ILRUN: variants seen among roughly 807,000 people sequenced by gnomAD.
ILRUN encodes protein ILRUN.
A neutral mutation model predicts 33.8 loss-of-function variants in ILRUN; 3 were observed. That is an observed-to-expected ratio of 0.09 (90% CI 0.04 to 0.23). The LOEUF is 0.23. Ranked by LOEUF, ILRUN falls within the 10% of genes least tolerant of loss-of-function variation. The probability of loss-of-function intolerance (pLI) is 1.00; values close to 1 mark genes in which losing one functional copy is unlikely to be tolerated. For synonymous variants in ILRUN, 124 were observed against 138.9 expected (o/e 0.89, Z 0.75); for missense variants, 210 against 375.1 (o/e 0.56, Z 3.64).
intron 3 of ILRUN, among the ~76,000 whole-genome samples, chr6:34,622,538 T>TA (rs78821044): frequency 0.046 from 6,705 of 144,500 alleles, 185 homozygotes; most frequent in Non-Finnish European, 0.067. Context: ...TGGCTACTAC[T>TA]AAAAAAAAAA....
At chr6:34,634,125 T>C (rs927515012) in intron 3 of ILRUN, among the ~76,000 whole-genome samples, 12 of 152,088 alleles carry the variant, frequency 7.9e-5, no homozygotes, top group African/African-American at 2.9e-4. Flanking sequence ...AAATGTATTT[T>C]AAAAAAGAAA....
chr6:34,652,526 G>A (rs1419872727), intron 2 of ILRUN, among the ~76,000 whole-genome samples: 2 of 152,086 alleles, frequency 1.3e-5, no homozygotes, highest in South Asian at 2.1e-4. Flanking sequence ...ATTCAATTTG[G>A]TACATTCTTA....
intron 3 of ILRUN, among the ~76,000 whole-genome samples, chr6:34,633,408 G>A (rs915263658): frequency 6.6e-6 from 1 of 152,050 alleles, no homozygotes; most frequent in Non-Finnish European, 1.5e-5. Flanking sequence ...AGATATAAAG[G>A]AATTGAACAA....
chr6:34,676,888 G>A (rs1763245377), intron 1 of ILRUN, among the ~76,000 whole-genome samples: 2 of 151,620 alleles, frequency 1.3e-5, no homozygotes, highest in Admixed American at 1.3e-4. Context: ...ATACTTCTTG[G>A]GGGCAATCTG....
At chr6:34,676,430 C>CTAGT (rs1763231975) in intron 1 of ILRUN, among the ~76,000 whole-genome samples, 1 of 151,246 alleles carries the variant, frequency 6.6e-6, no homozygotes, top group African/African-American at 2.4e-5. Context: ...ATAGATATAG[C>CTAGT]TAGCTAGCTA....
At chr6:34,669,450 C>T (rs1173220042) in intron 1 of ILRUN, among the ~76,000 whole-genome samples, 2 of 152,088 alleles carry the variant, frequency 1.3e-5, no homozygotes, top group South Asian at 2.1e-4. Context: ...TTTGACAGGG[C>T]AGCTGTTGTG....
intron 1 of ILRUN, among the ~76,000 whole-genome samples, chr6:34,682,076 T>C (rs1225622718): frequency 1.4e-5 from 2 of 147,038 alleles, no homozygotes; most frequent in Admixed American, 6.8e-5. Flanking sequence ...GGTTTCACCA[T>C]GTTGGCCAGG....
intron 3 of ILRUN, among the ~76,000 whole-genome samples, chr6:34,637,843 T>TGC (rs1562012558): frequency 2.8e-4 from 40 of 141,342 alleles, no homozygotes; most frequent in African/African-American, 8.1e-4. Context: ...GCTGTTGTTG[T>TGC]TGCTGCTGCT....
intron 1 of ILRUN, among the ~76,000 whole-genome samples, chr6:34,677,319 G>A (rs1763257339): frequency 6.6e-6 from 1 of 151,682 alleles, no homozygotes; most frequent in African/African-American, 2.4e-5. Context: ...AGGAAAAAAA[G>A]AGAGAGAGAG....
intron 1 of ILRUN, among the ~76,000 whole-genome samples, chr6:34,681,199 G>A (rs994230283): frequency 5.9e-5 from 9 of 152,022 alleles, no homozygotes; most frequent in Non-Finnish European, 1.3e-4. Context: ...CTGACCTCAA[G>A]CACAATAATT....
intron 3 of ILRUN, among the ~76,000 whole-genome samples, chr6:34,637,843 T>TTGCTGCTGC (rs1203721482): frequency 1.6e-4 from 23 of 141,352 alleles, no homozygotes; most frequent in African/African-American, 4.4e-4. Context: ...GCTGTTGTTG[T>TTGCTGCTGC]TGCTGCTGCT....
chr6:34,600,406 A>C (rs1761485321), intron 4 of ILRUN, among the ~76,000 whole-genome samples: 1 of 152,206 alleles, frequency 6.6e-6, no homozygotes, highest in Admixed American at 6.5e-5. Flanking sequence ...GCTTTACAGA[A>C]ACAAAACTCG....
At chr6:34,668,644 G>A (rs1442868642) in intron 1 of ILRUN, among the ~76,000 whole-genome samples, 2 of 152,012 alleles carry the variant, frequency 1.3e-5, no homozygotes, top group East Asian at 3.8e-4. Context: ...TATCCAAGAC[G>A]CCTTCAGAGG....
At chr6:34,668,942 C>T (rs368321369) in intron 1 of ILRUN, among the ~76,000 whole-genome samples, 1 of 149,922 alleles carries the variant, frequency 6.7e-6, no homozygotes, top group South Asian at 2.1e-4. Context: ...CTCCCAAGTT[C>T]AAGTGATTTT....
intron 2 of ILRUN, among the ~76,000 whole-genome samples, chr6:34,653,387 T>C (rs1287381055): frequency 6.6e-6 from 1 of 151,842 alleles, no homozygotes; most frequent in Non-Finnish European, 1.5e-5. Flanking sequence ...CCCAACACCA[T>C]ACCCGGTTAA....
At chr6:34,612,016 G>T (rs1761764129) in intron 3 of ILRUN, among the ~76,000 whole-genome samples, 1 of 152,218 alleles carries the variant, frequency 6.6e-6, no homozygotes, top group Non-Finnish European at 1.5e-5. Flanking sequence ...TCCCAGAGAA[G>T]TAGCCAAGGA....
rs1762574291 is a variant in ILRUN at position 34,646,990 on chromosome 6, C to T, written c.314-192G>A. The stretch of plus-strand genomic sequence containing the variant: ...ATTATCAGAACCAACAACCTCTGAC[C>T]AATAGTCTAACCCTATGAAGAAGCA... On this transcript the variant is annotated intron_variant, in intron 2 of 4. Coordinates refer to ENST00000374023, the MANE Select transcript of ILRUN (RefSeq NM_024294.4). This position sits in a 1 kb window ranked among gnomAD's most constrained non-coding sequence, Gnocchi z 4.9. Among the ~76,000 whole-genome samples, 1 of 152,094 alleles carries T rather than the reference C, an allele frequency of 6.6e-6. No individual in the cohort carries two copies. The highest frequency in any genetic ancestry group is 1.5e-5 in the Non-Finnish European group (1 of 68,030).
chr6:34,675,449 CAT>C (rs1763208581), intron 1 of ILRUN, among the ~76,000 whole-genome samples: 1 of 151,894 alleles, frequency 6.6e-6, no homozygotes, highest in Admixed American at 6.6e-5. Flanking sequence ...AAGGTACTAA[CAT>C]TGAAAAAAAT....
rs146239234 is a variant in ILRUN, at chr6:34,626,180, T to C, written c.512-19276A>G. ...GCATTTTTTAACAGATTCCTTTTTT[T>C]CTCTTTTCCAAGACAGGGTCTCTCT... On this transcript the variant is annotated intron_variant, in intron 3 of 4. Coordinates refer to ENST00000374023, the MANE Select transcript of ILRUN (RefSeq NM_024294.4). Among the ~76,000 whole-genome samples the C allele has an allele frequency of 3.3e-3, 509 of 152,096 alleles. 1 individual carries two copies. The highest frequency in any genetic ancestry group is 0.015 in the South Asian group (70 of 4,812).
Sources: allele counts gnomAD v4.1 joint callset (sites outside exome capture counted in the v4.1 genomes callset), GRCh38; gene constraint gnomAD v4.1.1; non-coding constraint Gnocchi (gnomAD v3.1); transcripts MANE v1.5; gene names NCBI Gene and HGNC (gene_info 2026-07-23, HGNC 2026-07-21).